Variants in GPR107 observed in about 807,000 individuals in gnomAD.
The protein encoded by GPR107 is protein GPR107.
A neutral mutation model predicts 75.5 loss-of-function variants in GPR107; 31 were observed. That is an observed-to-expected ratio of 0.41 (90% confidence interval 0.31 to 0.55). GPR107 has a LOEUF of 0.55. GPR107 is among the 20% of genes least tolerant of loss of function. The pLI, the probability that GPR107 is intolerant of heterozygous loss-of-function variation, is 0.26. For missense variants in GPR107, 572 were observed against 665.7 expected (o/e 0.86, Z 1.55); for synonymous variants, 267 against 251.3 (o/e 1.06, Z -0.59).
rs150763492 is a variant in GPR107, at chr9:130,126,641, C to T, written c.1357-842C>T. Among the ~76,000 whole-genome samples the T allele has an allele frequency of 5.5e-3, 838 of 152,300 alleles. 10 individuals are homozygous for T. The highest frequency in any genetic ancestry group is 0.019 in the African/African-American group (774 of 41,568). On this transcript the variant is annotated intron_variant, in intron 15 of 17. Transcript: ENST00000347136. ...CTGGGATTATAGGCGTGAGCCATCG[C>T]GCCCGGCCCTGTTTCCAAGTCTTTC... is the stretch of plus-strand genomic sequence containing the variant.
At chr9:130,114,504 T>A (rs1020750212) in intron 14 of GPR107, 2 of 367,262 alleles carry the variant, frequency 5.4e-6, no homozygotes, top group Admixed American at 3.3e-5. Context: ...CATCTTAGTC[T>A]CCCAAGTAGC....
chr9:130,113,006 T>C (rs528360371), intron 14 of GPR107, among the ~76,000 whole-genome samples: 1 of 152,214 alleles, frequency 6.6e-6, no homozygotes, highest in East Asian at 1.9e-4. Flanking sequence ...CACCTAGGCC[T>C]CCCAGAGTAC....
intron 14 of GPR107, among the ~76,000 whole-genome samples, chr9:130,123,421 C>T (rs1029391459): frequency 3.3e-5 from 5 of 152,010 alleles, no homozygotes; most frequent in Admixed American, 6.6e-5. Flanking sequence ...CCAGGCTGGT[C>T]TTGAACTCCT....
At chr9:130,076,607 C>G (rs1830354660) in intron 3 of GPR107, 145 bp downstream of exon 3, 1 of 636,878 alleles carries the variant, frequency 1.6e-6, no homozygotes, top group Admixed American at 2.4e-5. Flanking sequence ...CTTGACCTCC[C>G]AGGCTTAAGC....
intron 12 of GPR107, 115 bp from the exon 13 acceptor site, chr9:130,104,305 G>A: frequency 1.2e-6 from 1 of 807,804 alleles, no homozygotes; most frequent in South Asian, 1.6e-5. Context: ...TGGAAAGAAT[G>A]CTGTGGTCGC....
intron 4 of GPR107, among the ~76,000 whole-genome samples, chr9:130,079,106 A>C (rs1830430238): frequency 6.6e-6 from 1 of 152,090 alleles, no homozygotes; most frequent in South Asian, 2.1e-4. Context: ...TTACAGGTGC[A>C]TGCCAACACA....
intron 9 of GPR107, among the ~76,000 whole-genome samples, chr9:130,097,733 G>A (rs1173479020): frequency 6.8e-6 from 1 of 147,704 alleles, no homozygotes; most frequent in African/African-American, 2.5e-5. Flanking sequence ...TTTTGAGACA[G>A]GGTCTCACTA....
chr9:130,123,449 G>A (rs1010887605), intron 14 of GPR107, among the ~76,000 whole-genome samples: 7 of 151,540 alleles, frequency 4.6e-5, no homozygotes, highest in African/African-American at 2.4e-5. Flanking sequence ...TGATCCACCC[G>A]CCTCGGCCTC....
chr9:130,127,337 G>A (rs546041619), intron 15 of GPR107, 146 bp from the exon 16 acceptor site: 9 of 628,434 alleles, frequency 1.4e-5, no homozygotes, highest in East Asian at 5.5e-5. Flanking sequence ...TCCGCTGCAC[G>A]TATTAATTCA....
intron 1 of GPR107, 23 bp downstream of exon 1, chr9:130,054,096 C>T (rs372056594): frequency 3.1e-5 from 47 of 1,516,316 alleles, no homozygotes; most frequent in Non-Finnish European, 4.1e-5. Context: ...AAGGCCGGGC[C>T]GGGGGGCGGA....
chr9:130,116,523 G>A (rs866695044), intron 14 of GPR107, among the ~76,000 whole-genome samples: 1 of 152,218 alleles, frequency 6.6e-6, no homozygotes, highest in South Asian at 2.1e-4. Flanking sequence ...GGTAATGTGC[G>A]CCTCAGCCCA....
intron 15 of GPR107, among the ~76,000 whole-genome samples, chr9:130,125,422 G>T (rs576899492): frequency 6.9e-6 from 1 of 145,978 alleles, no homozygotes; most frequent in East Asian, 2.0e-4. Context: ...TTTTAAGACT[G>T]GGTCTCTCTA....
intron 14 of GPR107, among the ~76,000 whole-genome samples, chr9:130,122,450 C>A (rs1244328810): frequency 5.3e-5 from 8 of 152,178 alleles, no homozygotes; most frequent in Non-Finnish European, 1.2e-4. Context: ...TCCCTGGGAG[C>A]ACTTCATTAT....
At chr9:130,094,049 G>T (rs548849096) in intron 9 of GPR107, among the ~76,000 whole-genome samples, 2 of 151,964 alleles carry the variant, frequency 1.3e-5, no homozygotes, top group East Asian at 3.9e-4. Flanking sequence ...TGCTGACCTC[G>T]GGTAATTTAC....
intron 14 of GPR107, among the ~76,000 whole-genome samples, chr9:130,119,948 C>G (rs1245223054): frequency 2.0e-5 from 3 of 152,286 alleles, no homozygotes; most frequent in East Asian, 3.9e-4. Flanking sequence ...CTCAGCCTCT[C>G]AAGTAGCTGG....
intron 14 of GPR107, among the ~76,000 whole-genome samples, chr9:130,114,839 T>C (rs766550739): frequency 1.3e-5 from 2 of 152,234 alleles, no homozygotes; most frequent in Non-Finnish European, 2.9e-5. Flanking sequence ...CTCATGGACA[T>C]GGGGATGTGA....
At chr9:130,057,538 T>C (rs1829823473) in intron 1 of GPR107, among the ~76,000 whole-genome samples, 1 of 151,546 alleles carries the variant, frequency 6.6e-6, no homozygotes, top group Non-Finnish European at 1.5e-5. Flanking sequence ...AAAACAACCT[T>C]TTTATTGTGG....
intron 9 of GPR107, among the ~76,000 whole-genome samples, chr9:130,098,262 C>T (rs1406550477): frequency 6.6e-6 from 1 of 152,098 alleles, no homozygotes; most frequent in Admixed American, 6.6e-5. Flanking sequence ...TGCCCGGCAG[C>T]CGAAAGGTGG....
chr9:130,123,063 T>C (rs1831587008), intron 14 of GPR107, among the ~76,000 whole-genome samples: 1 of 152,172 alleles, frequency 6.6e-6, no homozygotes, highest in Non-Finnish European at 1.5e-5. Context: ...TGTTGTTTTT[T>C]GAGACTGGGT....
Sources: allele counts gnomAD v4.1 joint callset (sites outside exome capture counted in the v4.1 genomes callset), GRCh38; gene constraint gnomAD v4.1.1; transcripts MANE v1.5; gene names NCBI Gene and HGNC (gene_info 2026-07-23, HGNC 2026-07-21).